Variants in PHIP observed in about 807,000 individuals in gnomAD.
PHIP encodes PHIP subunit of CUL4-Ring ligase complex.
In PHIP, 54 loss-of-function variants were observed where a neutral mutation model predicts 236.8. That is an observed-to-expected ratio of 0.23 (90% CI 0.18 to 0.29). PHIP has a LOEUF of 0.29. Ranked by LOEUF, PHIP falls within the 10% of genes least tolerant of loss-of-function variation. PHIP has a pLI of 1.00. For synonymous variants in PHIP, 756 were observed against 718.9 expected (o/e 1.05, Z -0.83); for missense variants, 1,370 against 2,190.8 (o/e 0.63, Z 7.48).
At chr6:78,945,970 T>C (rs1191676931) in intron 38 of PHIP, 31 bp downstream of exon 38, 1 of 1,514,356 alleles carries the variant, frequency 6.6e-7, no homozygotes. Flanking sequence ...AAAATCATCA[T>C]ATACATTTCA....
intron 24 of PHIP, among the ~76,000 whole-genome samples, chr6:78,977,931 CT>C (rs1377335630): frequency 6.6e-6 from 1 of 152,098 alleles, no homozygotes; most frequent in African/African-American, 2.4e-5. Flanking sequence ...AAAGAAGCCT[CT>C]ATTTTAATTC....
intron 30 of PHIP, among the ~76,000 whole-genome samples, chr6:78,962,837 G>A (rs1766870853): frequency 6.6e-6 from 1 of 152,014 alleles, no homozygotes; most frequent in African/African-American, 2.4e-5. Flanking sequence ...GGTTGTGGAG[G>A]ACCCAGTTTT....
intron 27 of PHIP, 46 bp downstream of exon 27, chr6:78,969,786 GAAA>G: frequency 1.2e-6 from 1 of 846,522 alleles, no homozygotes. Context: ...CACTTACTAA[GAAA>G]AAAAAACCAC....
At chr6:79,067,521 G>C (rs1419180223) in intron 4 of PHIP, among the ~76,000 whole-genome samples, 1 of 152,052 alleles carries the variant, frequency 6.6e-6, no homozygotes, top group Non-Finnish European at 1.5e-5. Context: ...CCATCATATG[G>C]TAAATATTTG....
chr6:79,075,587 C>A (rs9443641), intron 4 of PHIP, among the ~76,000 whole-genome samples: 1 of 131,336 alleles, frequency 7.6e-6, no homozygotes, highest in Non-Finnish European at 1.6e-5. Flanking sequence ...ACCCTCCCCC[C>A]AAAAATTAAA....
At chr6:78,963,965 G>A (rs1010357048) in intron 29 of PHIP, among the ~76,000 whole-genome samples, 1 of 151,680 alleles carries the variant, frequency 6.6e-6, no homozygotes, top group African/African-American at 2.4e-5. Context: ...AACAACAACA[G>A]TAACCACCCT....
Position 78,961,773 on chromosome 6 carries a change from T to C in PHIP, c.3573A>G (p.Gln1191=). 1 of 1,611,856 alleles carries C rather than the reference T, an allele frequency of 6.2e-7. No homozygotes were observed. The highest frequency in any genetic ancestry group is 1.3e-5 in the African/African-American group (1 of 74,970). ...CTACTGTGCAATACATGGGATAGGC[T>C]TGCAGATCCACGGGGGCCACAAATG... ...ASAFVAPVDL[Q]AYPMYCTVVA... is the part of the protein sequence containing the mutation. The change falls in exon 31 of 40, where the codon CAA becomes CAG. Residue 1191 remains glutamine (Q), a synonymous_variant. Transcript: ENST00000275034.
chr6:79,036,429 CA>C (rs1398385186), intron 7 of PHIP, among the ~76,000 whole-genome samples: 4 of 152,142 alleles, frequency 2.6e-5, no homozygotes, highest in Non-Finnish European at 5.9e-5. Flanking sequence ...CCATTATTAT[CA>C]AACATGCTAA....
rs1353986516 is a variant in PHIP at position 78,970,837 on chromosome 6, T to C, written c.2941A>G (p.Asn981Asp). 6.2e-7 allele frequency: 1 copy of C among 1,612,344 alleles called. No individual in the cohort carries two copies. The highest frequency in any genetic ancestry group is 1.7e-5 in the Admixed American group (1 of 59,832). Reference protein sequence around the residue: ...HEAYVEMARKNKIYSINPKKQ... With the variant: ...HEAYVEMARKDKIYSINPKKQ... ...TTGGGATTGATACTATATATTTTATTTTTCCGGGCCATTTCGACATAGGCT... is the reference window on the plus strand; with the variant it reads ...TTGGGATTGATACTATATATTTTATCTTTCCGGGCCATTTCGACATAGGCT... The change falls in exon 25 of 40, where the codon AAT (asparagine) becomes GAT (aspartate). Residue 981 changes from asparagine (N) to aspartate (D), a missense_variant. This residue lies in a region of PHIP where 238 missense variants were observed against 398.5 expected (regional missense o/e 0.60). Transcript: ENST00000275034.
At chr6:78,987,176 A>T (rs1191273562) in intron 21 of PHIP, among the ~76,000 whole-genome samples, 7 of 152,130 alleles carry the variant, frequency 4.6e-5, no homozygotes, top group African/African-American at 1.7e-4. Context: ...CTGGAAATAC[A>T]GTTCTTAAGT....
intron 22 of PHIP, among the ~76,000 whole-genome samples, chr6:78,984,758 C>T (rs1429257682): frequency 5.3e-5 from 8 of 152,104 alleles, no homozygotes; most frequent in Admixed American, 4.6e-4. Context: ...TACTTTGTCT[C>T]GTCTATTTTA....
chr6:79,025,711 AAC>A (rs1220587750), intron 8 of PHIP, 92 bp from the exon 9 acceptor site: 116 of 831,784 alleles, frequency 1.4e-4, no homozygotes, highest in Non-Finnish European at 5.2e-5. Context: ...AACTAACAAC[AAC>A]AGTTAGAAAA....
chr6:78,947,806 T>G (rs1394789896), intron 35 of PHIP, 31 bp from the exon 36 acceptor site: 16 of 1,511,696 alleles, frequency 1.1e-5, no homozygotes, highest in Non-Finnish European at 1.5e-5. Context: ...GGTGTTATGA[T>G]TATTACTACA....
At chr6:78,954,469 C>CT (rs1349473658) in intron 35 of PHIP, among the ~76,000 whole-genome samples, 1 of 151,834 alleles carries the variant, frequency 6.6e-6, no homozygotes, top group East Asian at 1.9e-4. Flanking sequence ...AGGCATTATT[C>CT]TTTTTTTCTA....
Position 78,990,985 on chromosome 6 carries a change from A to G in PHIP, c.2202T>C (p.Ser734=), listed in dbSNP as rs1435475009. 6.4e-7 allele frequency: 1 copy of G among 1,574,596 alleles called. No homozygotes were observed. The highest frequency in any genetic ancestry group is 8.7e-7 in the Non-Finnish European group (1 of 1,148,474). The change falls in exon 20 of 40, where the codon AGT becomes AGC. Residue 734 remains serine, a splice_region_variant and synonymous_variant. Transcript: ENST00000275034. ...TTGCAGTTCTCCATTCTTCTTGCCTACTGAAAGACAAAAGCCATATGCATT... is the reference window on the plus strand; with the variant it reads ...TTGCAGTTCTCCATTCTTCTTGCCTGCTGAAAGACAAAAGCCATATGCATT... ...VVPELSAGVA[S]RQEEWRTAKG...
intron 15 of PHIP, among the ~76,000 whole-genome samples, chr6:79,012,517 T>C (rs1202511391): frequency 1.3e-5 from 2 of 151,740 alleles, no homozygotes; most frequent in Non-Finnish European, 3.0e-5. Flanking sequence ...TATATATGAC[T>C]AGACCCTTCA....
intron 30 of PHIP, among the ~76,000 whole-genome samples, chr6:78,962,533 C>G (rs1170654290): frequency 6.6e-6 from 1 of 152,140 alleles, no homozygotes; most frequent in Non-Finnish European, 1.5e-5. Context: ...TCTCTCTAGA[C>G]TCTTTGCAGC....
At chr6:79,035,398 GAA>G (rs1740447704) in intron 7 of PHIP, among the ~76,000 whole-genome samples, 1 of 152,058 alleles carries the variant, frequency 6.6e-6, no homozygotes, top group Non-Finnish European at 1.5e-5. Flanking sequence ...TACACATTGG[GAA>G]ACAGTTTACT....
intron 27 of PHIP, among the ~76,000 whole-genome samples, chr6:78,969,190 A>C (rs1767356565): frequency 6.6e-6 from 1 of 152,246 alleles, no homozygotes; most frequent in Non-Finnish European, 1.5e-5. Flanking sequence ...ACAAGTTTTT[A>C]ACAAAGGACA....
Sources: allele counts gnomAD v4.1 joint callset (sites outside exome capture counted in the v4.1 genomes callset), GRCh38; gene constraint gnomAD v4.1.1; regional missense constraint gnomAD v4.1.1; transcripts MANE v1.5; gene names NCBI Gene and HGNC (gene_info 2026-07-23, HGNC 2026-07-21).